CNTNAP2: variants seen among roughly 807,000 people sequenced by gnomAD.
CNTNAP2 encodes contactin-associated protein-like 2.
Under a neutral mutation model 155.2 loss-of-function variants are expected in CNTNAP2, and 98 were observed. The observed-to-expected ratio is 0.63, with a 90% confidence interval of 0.54 to 0.75. The LOEUF (loss-of-function observed/expected upper bound fraction) is 0.75. Among genes scored for constraint, CNTNAP2 ranks in the 30% least tolerant of loss-of-function variants. The pLI, the probability that CNTNAP2 is intolerant of heterozygous loss-of-function variation, is 0.00. For missense variants in CNTNAP2, 1,727 were observed against 1,688.1 expected (o/e 1.02, Z -0.40); for synonymous variants, 651 against 631.2 (o/e 1.03, Z -0.47).
chr7:147,328,852 G>A (rs147500139), intron 9 of CNTNAP2, among the ~76,000 whole-genome samples: 25 of 152,176 alleles, frequency 1.6e-4, no homozygotes, highest in African/African-American at 5.8e-4. Flanking sequence ...GAGAGACACA[G>A]TAACTTTACC....
chr7:147,455,246 C>T (rs747754383), intron 10 of CNTNAP2, among the ~76,000 whole-genome samples: 1 of 152,094 alleles, frequency 6.6e-6, no homozygotes, highest in Non-Finnish European at 1.5e-5. Flanking sequence ...TTGAATAACT[C>T]TGAAATCAGG....
chr7:147,102,388 G>A (rs1800675710), intron 4 of CNTNAP2, among the ~76,000 whole-genome samples: 1 of 151,576 alleles, frequency 6.6e-6, no homozygotes, highest in African/African-American at 2.4e-5. Context: ...ATTATATGTT[G>A]AGCAGGTAGA....
chr7:146,728,839 G>A (rs1159086451), intron 1 of CNTNAP2, among the ~76,000 whole-genome samples: 1 of 152,146 alleles, frequency 6.6e-6, no homozygotes, highest in Admixed American at 6.5e-5. Context: ...ACCAGGCAGG[G>A]TGTAGGCTGT....
At chr7:146,508,755 G>A (rs1174177930) in intron 1 of CNTNAP2, among the ~76,000 whole-genome samples, 2 of 152,180 alleles carry the variant, frequency 1.3e-5, no homozygotes, top group Non-Finnish European at 2.9e-5. Flanking sequence ...CCCGCTGTTG[G>A]GCATTTTCTG....
chr7:148,078,673 G>T (rs929380435), intron 15 of CNTNAP2, among the ~76,000 whole-genome samples: 1 of 151,960 alleles, frequency 6.6e-6, no homozygotes, highest in Non-Finnish European at 1.5e-5. Flanking sequence ...TAGAGACAGG[G>T]TTTCACCATG....
At chr7:147,299,626 A>C (rs558952106) in intron 8 of CNTNAP2, among the ~76,000 whole-genome samples, 1 of 152,354 alleles carries the variant, frequency 6.6e-6, no homozygotes, top group East Asian at 1.9e-4. Context: ...AAAACAAGCT[A>C]TACAGAAAAA....
In CNTNAP2 at chr7:147,248,915, C is replaced by T. The variant is rs55675711; in HGVS notation, c.1349-51226C>T. Among the ~76,000 whole-genome samples the T allele has an allele frequency of 9.3e-3, 1,422 of 152,152 alleles. 18 individuals are homozygous for T. The highest frequency in any genetic ancestry group is 0.032 in the African/African-American group (1,340 of 41,498). On this transcript the variant is annotated intron_variant, in intron 8 of 23. Coordinates refer to ENST00000361727, the MANE Select transcript of CNTNAP2 (RefSeq NM_014141.6). ...AAGCTGTCTTATAATTGAGTCAGGACGAAGCACAGGAATGTTACTTTGAAT... is the reference window on the plus strand; with the variant it reads ...AAGCTGTCTTATAATTGAGTCAGGATGAAGCACAGGAATGTTACTTTGAAT...
At chr7:146,538,593 A>G (rs960114843) in intron 1 of CNTNAP2, among the ~76,000 whole-genome samples, 6 of 152,080 alleles carry the variant, frequency 3.9e-5, no homozygotes, top group Non-Finnish European at 8.8e-5. Context: ...GGGTGGGGAC[A>G]AACACTTCTC....
At chr7:147,158,356 G>T (rs139097490) in intron 8 of CNTNAP2, among the ~76,000 whole-genome samples, 2 of 152,116 alleles carry the variant, frequency 1.3e-5, no homozygotes, top group African/African-American at 4.8e-5. Context: ...TTGAATGATA[G>T]CTGAAAAAAA....
At chr7:146,221,924 A>ATCATTTAT (rs1236768260) in intron 1 of CNTNAP2, among the ~76,000 whole-genome samples, 8 of 152,328 alleles carry the variant, frequency 5.3e-5, no homozygotes, top group African/African-American at 1.9e-4. Flanking sequence ...TGAGGTTCCT[A>ATCATTTAT]TCATTTATGT....
intron 11 of CNTNAP2, among the ~76,000 whole-genome samples, chr7:147,532,657 A>T (rs1799462932): frequency 6.6e-6 from 1 of 152,184 alleles, no homozygotes; most frequent in Non-Finnish European, 1.5e-5. Context: ...GGGAAGAAAA[A>T]GGAAGTTTAA....
chr7:147,127,291 A>G (rs1454784647), intron 6 of CNTNAP2, among the ~76,000 whole-genome samples: 1 of 151,598 alleles, frequency 6.6e-6, no homozygotes, highest in South Asian at 2.1e-4. Flanking sequence ...TTTTCCTTTT[A>G]CCTTCTTATA....
rs3807570 is a variant in CNTNAP2 at position 147,128,969 on chromosome 7, A to G, written c.1083+133A>G. On this transcript the variant is annotated intron_variant, in intron 7 of 23. Coordinates refer to ENST00000361727, the MANE Select transcript of CNTNAP2 (RefSeq NM_014141.6). Reference sequence around the variant, plus strand: ...TGTTTGGGCAAAATGATGTAAAACAAACATTAGAGTTATCAGAATTAGTAT... The same window carrying G: ...TGTTTGGGCAAAATGATGTAAAACAGACATTAGAGTTATCAGAATTAGTAT... The G allele has an allele frequency of 0.46, 527,455 of 1,141,258 alleles. 125,758 individuals carry two copies. Among genetic ancestry groups the G allele is most frequent in the East Asian group, 0.65 (27,050 of 41,420 alleles). 70.7% of individuals were successfully genotyped at this position (1,141,258 alleles called of 1,614,324 possible).
chr7:147,333,206 T>C (rs973285577), intron 9 of CNTNAP2, among the ~76,000 whole-genome samples: 1 of 152,136 alleles, frequency 6.6e-6, no homozygotes, highest in African/African-American at 2.4e-5. Context: ...ATAAAGTTCC[T>C]GTTCCAGAGA....
At chr7:147,762,981 G>A (rs1179465126) in intron 13 of CNTNAP2, among the ~76,000 whole-genome samples, 1 of 152,138 alleles carries the variant, frequency 6.6e-6, no homozygotes, top group Non-Finnish European at 1.5e-5. Context: ...AGATCCGGCT[G>A]GGTGCGATGG....
intron 9 of CNTNAP2, among the ~76,000 whole-genome samples, chr7:147,365,382 A>G (rs60719317): frequency 3.0e-4 from 37 of 123,324 alleles, no homozygotes; most frequent in Admixed American, 2.7e-3. Flanking sequence ...TATCTCAAAA[A>G]GAAAAAAAAA....
intron 13 of CNTNAP2, among the ~76,000 whole-genome samples, chr7:147,837,409 G>T (rs1798651209): frequency 6.6e-6 from 1 of 152,126 alleles, no homozygotes; most frequent in Non-Finnish European, 1.5e-5. Context: ...CATGGGAATT[G>T]TGGGAGCTAC....
chr7:148,311,107 T>C (rs987844403), intron 21 of CNTNAP2, among the ~76,000 whole-genome samples: 12 of 151,396 alleles, frequency 7.9e-5, no homozygotes, highest in African/African-American at 2.7e-4. Flanking sequence ...GGGAGTAGAG[T>C]TGATATAAGG....
At chr7:147,167,081 A>C (rs557808238) in intron 8 of CNTNAP2, among the ~76,000 whole-genome samples, 117 of 152,168 alleles carry the variant, frequency 7.7e-4, no homozygotes, top group African/African-American at 2.6e-3. Flanking sequence ...TCGGATGGAA[A>C]CTGACATTTT....
Sources: allele counts gnomAD v4.1 joint callset (sites outside exome capture counted in the v4.1 genomes callset), GRCh38; gene constraint gnomAD v4.1.1; transcripts MANE v1.5; gene names NCBI Gene and HGNC (gene_info 2026-07-23, HGNC 2026-07-21).